The following ROBO1 variants were observed in gnomAD, a reference collection of about 807,000 sequenced individuals.
ROBO1 encodes the protein roundabout guidance receptor 1, also known as roundabout homolog 1.
Under a neutral mutation model 195.9 loss-of-function variants are expected in ROBO1, and 149 were observed. The ratio of observed to expected loss-of-function variants is 0.76; its 90% CI spans 0.67 to 0.87. ROBO1 has a LOEUF of 0.87. Ranked by LOEUF, ROBO1 falls within the 40% of genes least tolerant of loss-of-function variation. ROBO1 has a pLI of 0.00. For missense variants in ROBO1, 1,933 were observed against 2,068.3 expected, an observed-to-expected ratio of 0.93 and a Z score of 1.27; for synonymous variants, 816 against 733.2, an observed-to-expected ratio of 1.11 and a Z score of -1.82.
At chr3:79,409,547 C>A (rs2037683243) in intron 2 of ROBO1, among the ~76,000 whole-genome samples, 1 of 152,118 alleles carries the variant, frequency 6.6e-6, no homozygotes, top group South Asian at 2.1e-4. Flanking sequence ...TTTTGGGAAT[C>A]AATTTATCTG....
chr3:79,097,864 T>A (rs994365580), intron 3 of ROBO1, among the ~76,000 whole-genome samples: 6 of 151,574 alleles, frequency 4.0e-5, no homozygotes, highest in East Asian at 1.9e-4. Context: ...AGTTTTTTTT[T>A]AATCCTGTTC....
chr3:79,221,751 G>A (rs79858952), intron 2 of ROBO1, among the ~76,000 whole-genome samples: 2,122 of 151,982 alleles, frequency 0.014, 34 homozygotes, highest in African/African-American at 0.043. Flanking sequence ...TTTCCAAGCC[G>A]GTGTAATAAA....
intron 4 of ROBO1, among the ~76,000 whole-genome samples, chr3:78,892,588 T>TATC (rs532184747): frequency 9.9e-5 from 15 of 152,070 alleles, no homozygotes; most frequent in South Asian, 2.1e-4. Flanking sequence ...AAGAAGTGTT[T>TATC]ATCATCATCA....
intron 2 of ROBO1, among the ~76,000 whole-genome samples, chr3:79,209,437 G>A (rs934938324): frequency 6.6e-5 from 10 of 152,100 alleles, no homozygotes; most frequent in Admixed American, 6.6e-4. Context: ...TGTGAATCAT[G>A]CTTCTATAAA....
intron 2 of ROBO1, among the ~76,000 whole-genome samples, chr3:79,287,874 G>GT (rs139700664): frequency 0.072 from 10,951 of 151,956 alleles, 434 homozygotes; most frequent in African/African-American, 0.097. Flanking sequence ...CAGTTATATA[G>GT]TTTTTTTCTT....
At chr3:79,165,330 C>A (rs1207992828) in intron 2 of ROBO1, among the ~76,000 whole-genome samples, 1 of 152,202 alleles carries the variant, frequency 6.6e-6, no homozygotes, top group Non-Finnish European at 1.5e-5. Context: ...AAGTAATCAG[C>A]TGAGCACTTC....
chr3:79,524,170 TG>T (rs1941333011), intron 2 of ROBO1, among the ~76,000 whole-genome samples: 1 of 150,126 alleles, frequency 6.7e-6, no homozygotes, highest in Admixed American at 6.7e-5. Flanking sequence ...TTGAAGTAAG[TG>T]TGTGTGTGTG....
intron 2 of ROBO1, among the ~76,000 whole-genome samples, chr3:79,582,186 T>C (rs1242846389): frequency 6.6e-6 from 1 of 151,800 alleles, no homozygotes; most frequent in Non-Finnish European, 1.5e-5. Context: ...ATTTAGAATC[T>C]AATATAATTT....
chr3:78,925,381 T>C (rs576817077), intron 4 of ROBO1, among the ~76,000 whole-genome samples: 17 of 152,304 alleles, frequency 1.1e-4, no homozygotes, highest in African/African-American at 2.2e-4. Flanking sequence ...CTGAGCTGCA[T>C]TGGACACTCA....
chr3:79,214,644 A>C (rs2082022242), intron 2 of ROBO1, among the ~76,000 whole-genome samples: 1 of 151,832 alleles, frequency 6.6e-6, no homozygotes, highest in Non-Finnish European at 1.5e-5. Flanking sequence ...GAGGTGGTTC[A>C]TATATGCCAG....
chr3:79,194,611 G>GTA (rs1489869660), intron 2 of ROBO1, among the ~76,000 whole-genome samples: 2 of 151,662 alleles, frequency 1.3e-5, no homozygotes, highest in Non-Finnish European at 3.0e-5. Context: ...ATATATAGAC[G>GTA]TATAAATGCC....
chr3:78,675,796 C>A (rs1483182416), intron 10 of ROBO1, among the ~76,000 whole-genome samples: 2 of 152,126 alleles, frequency 1.3e-5, no homozygotes, highest in Non-Finnish European at 2.9e-5. Flanking sequence ...TTAAATGTAC[C>A]TGTCTGACAG....
intron 2 of ROBO1, among the ~76,000 whole-genome samples, chr3:79,313,346 T>A (rs1400222265): frequency 6.6e-6 from 1 of 152,160 alleles, no homozygotes; most frequent in Non-Finnish European, 1.5e-5. Context: ...GAACAAGATT[T>A]AAAAGCCCCA....
chr3:78,756,994 T>A (rs1259984065), intron 4 of ROBO1, among the ~76,000 whole-genome samples: 1 of 152,132 alleles, frequency 6.6e-6, no homozygotes, highest in Non-Finnish European at 1.5e-5. Flanking sequence ...TGGGTTCAAC[T>A]GATTCTCCTG....
At chr3:79,719,828 A>G (rs1347309476) in intron 1 of ROBO1, among the ~76,000 whole-genome samples, 2 of 152,178 alleles carry the variant, frequency 1.3e-5, no homozygotes, top group East Asian at 3.9e-4. Context: ...TAATGAAATG[A>G]ATTTGGTATG....
chr3:78,758,447 C>A (rs1465620830), intron 4 of ROBO1, among the ~76,000 whole-genome samples: 1 of 149,134 alleles, frequency 6.7e-6, no homozygotes, highest in Non-Finnish European at 1.5e-5. Flanking sequence ...TTGCTTGAGC[C>A]CAGAGGTCAA....
intron 3 of ROBO1, among the ~76,000 whole-genome samples, chr3:78,983,319 T>G (rs1053429259): frequency 1.3e-5 from 2 of 152,228 alleles, no homozygotes; most frequent in Non-Finnish European, 2.9e-5. Flanking sequence ...CTTCTCCCCC[T>G]ATACACACAT....
intron 2 of ROBO1, among the ~76,000 whole-genome samples, chr3:79,174,718 AC>A (rs992068777): frequency 2.7e-5 from 4 of 150,206 alleles, no homozygotes; most frequent in African/African-American, 1.0e-4. Flanking sequence ...AAAAAAAAAA[AC>A]TGGTCGGTCA....
intron 2 of ROBO1, among the ~76,000 whole-genome samples, chr3:79,345,552 G>A (rs2035078094): frequency 6.6e-6 from 1 of 152,106 alleles, no homozygotes; most frequent in Non-Finnish European, 1.5e-5. Context: ...ACCTGTGAAT[G>A]GGAAACTACC....
Sources: allele counts gnomAD v4.1 joint callset (sites outside exome capture counted in the v4.1 genomes callset), GRCh38; gene constraint gnomAD v4.1.1; transcripts MANE v1.5; gene names NCBI Gene and HGNC (gene_info 2026-07-23, HGNC 2026-07-21).